The following SNAP91 variants were observed in gnomAD, a reference collection of about 807,000 sequenced individuals.
SNAP91 encodes the protein synaptosome associated protein 91.
Under a neutral mutation model 100.3 loss-of-function variants are expected in SNAP91, and 27 were observed. The ratio of observed to expected loss-of-function variants is 0.27; its 90% CI spans 0.20 to 0.37. SNAP91 has a LOEUF of 0.37. Among genes scored for constraint, SNAP91 ranks in the 10% least tolerant of loss-of-function variants. SNAP91 has a pLI of 1.00. For synonymous variants in SNAP91, 404 were observed against 398.6 expected, an observed-to-expected ratio of 1.01 and a Z score of -0.16; for missense variants, 986 against 1,123.7, an observed-to-expected ratio of 0.88 and a Z score of 1.75.
At chr6:83,702,895 CTGTT>C in intron 2 of SNAP91, among the ~76,000 whole-genome samples, 1 of 152,124 alleles carries the variant, frequency 6.6e-6, no homozygotes, top group Non-Finnish European at 1.5e-5. Context: ...TTACCTAAGA[CTGTT>C]TGTCACTCTG....
rs115742660 is a variant in SNAP91, at chr6:83,684,237, A to G, written c.131-18656T>C. 6.2e-3 allele frequency among the ~76,000 whole-genome samples: 946 copies of G among 152,294 alleles called. 12 individuals are homozygous for G. The highest frequency in any genetic ancestry group is 0.021 in the African/African-American group (872 of 41,556). On this transcript the variant is annotated intron_variant, in intron 2 of 29. Transcript: ENST00000369694. ...ATTAAATACCATCATTGAAAAAATT[A>G]AGAAAATATTCACTCAAATCATGCT...
chr6:83,576,260 A>T (rs1287891876), intron 24 of SNAP91, among the ~76,000 whole-genome samples: 2 of 152,212 alleles, frequency 1.3e-5, no homozygotes, highest in African/African-American at 2.4e-5. Context: ...AGACTTAAGG[A>T]TCCATTTTAA....
At chr6:83,623,379 T>C (rs1430140678) in intron 8 of SNAP91, 37 bp from the exon 9 acceptor site, 2 of 1,482,156 alleles carry the variant, frequency 1.3e-6, no homozygotes, top group East Asian at 4.8e-5. Flanking sequence ...GTAGAACTTT[T>C]AAAATTAATT....
At chr6:83,632,978 AGTTG>A (rs1562435520) in intron 8 of SNAP91, among the ~76,000 whole-genome samples, 1 of 152,112 alleles carries the variant, frequency 6.6e-6, no homozygotes, top group African/African-American at 2.4e-5. Flanking sequence ...ATATTATCAG[AGTTG>A]GTTTTCTGGT....
chr6:83,643,652 T>G (rs1243896106), intron 7 of SNAP91, among the ~76,000 whole-genome samples: 1 of 152,194 alleles, frequency 6.6e-6, no homozygotes, highest in African/African-American at 2.4e-5. Context: ...TTTTACTACC[T>G]CAGAAGTATT....
intron 2 of SNAP91, among the ~76,000 whole-genome samples, chr6:83,704,692 T>TAA (rs3839438): frequency 2.7e-5 from 4 of 150,746 alleles, no homozygotes; most frequent in South Asian, 2.1e-4. Context: ...CCAATACCTT[T>TAA]AAAAAAAAAT....
intron 9 of SNAP91, among the ~76,000 whole-genome samples, chr6:83,620,582 C>T (rs6929621): frequency 0.01 from 1,542 of 152,284 alleles, 20 homozygotes; most frequent in African/African-American, 0.035. Context: ...GGGCTCTACA[C>T]AGGAATGAAG....
chr6:83,663,739 T>C (rs2098610600), intron 3 of SNAP91, among the ~76,000 whole-genome samples: 1 of 152,112 alleles, frequency 6.6e-6, no homozygotes, highest in Non-Finnish European at 1.5e-5. Context: ...ATCCAGAAGA[T>C]CTAGCTGAGA....
intron 2 of SNAP91, among the ~76,000 whole-genome samples, chr6:83,681,512 A>T (rs1388171611): frequency 6.6e-6 from 1 of 152,226 alleles, no homozygotes; most frequent in African/African-American, 2.4e-5. Flanking sequence ...TACATATACA[A>T]AAATCCACAG....
intron 25 of SNAP91, 161 bp from the exon 26 acceptor site, chr6:83,575,282 G>C: frequency 1.6e-6 from 1 of 607,810 alleles, no homozygotes; most frequent in Non-Finnish European, 2.9e-6. Context: ...GAGGAATCTT[G>C]CCATGCTGTA....
At chr6:83,573,471 C>A (rs1468351048) in intron 26 of SNAP91, among the ~76,000 whole-genome samples, 1 of 151,928 alleles carries the variant, frequency 6.6e-6, no homozygotes, top group African/African-American at 2.4e-5. Flanking sequence ...CATATGGAAC[C>A]AAAAAAGAGC....
intron 7 of SNAP91, among the ~76,000 whole-genome samples, chr6:83,642,905 C>CAT (rs1339807772): frequency 6.6e-6 from 1 of 152,184 alleles, no homozygotes; most frequent in Non-Finnish European, 1.5e-5. Flanking sequence ...GATGGTATCT[C>CAT]ATTGTGGTTT....
intron 2 of SNAP91, among the ~76,000 whole-genome samples, chr6:83,667,872 C>T (rs1296638734): frequency 6.6e-6 from 1 of 152,150 alleles, no homozygotes; most frequent in Non-Finnish European, 1.5e-5. Context: ...GCAAAAGAAA[C>T]TACCATCAGA....
At chr6:83,611,790 G>A (rs1453891799) in intron 11 of SNAP91, among the ~76,000 whole-genome samples, 5 of 150,834 alleles carry the variant, frequency 3.3e-5, no homozygotes, top group Non-Finnish European at 7.4e-5. Flanking sequence ...TCCGCCTCCC[G>A]GGTTCACGCC....
chr6:83,626,892 C>A (rs2096954150), intron 8 of SNAP91, among the ~76,000 whole-genome samples: 1 of 151,926 alleles, frequency 6.6e-6, no homozygotes, highest in East Asian at 1.9e-4. Context: ...CAGTATTATG[C>A]TGAATAGTAG....
chr6:83,665,359 C>T (rs2098660732), intron 3 of SNAP91, 80 bp downstream of exon 3: 2 of 1,369,448 alleles, frequency 1.5e-6, no homozygotes, highest in Non-Finnish European at 1.0e-6. Flanking sequence ...AGTGAAAATT[C>T]AAAGAGCCTT....
At chr6:83,699,264 T>G (rs747529409) in intron 2 of SNAP91, among the ~76,000 whole-genome samples, 1 of 152,012 alleles carries the variant, frequency 6.6e-6, no homozygotes, top group African/African-American at 2.4e-5. Context: ...CTATGAAATA[T>G]AGAATATAAA....
chr6:83,608,555 T>C (rs1368879396), intron 12 of SNAP91, among the ~76,000 whole-genome samples: 1 of 152,136 alleles, frequency 6.6e-6, no homozygotes, highest in Admixed American at 6.5e-5. Context: ...GTATTGATAC[T>C]TAGTTCTGTT....
chr6:83,631,698 A>G (rs2097210108), intron 8 of SNAP91, among the ~76,000 whole-genome samples: 1 of 151,618 alleles, frequency 6.6e-6, no homozygotes, highest in Non-Finnish European at 1.5e-5. Context: ...GTCTTTTTCC[A>G]CCCCTTTACC....
Sources: gnomAD v4.1 joint callset for allele counts (sites outside exome capture counted in the v4.1 genomes callset) on GRCh38, gnomAD v4.1.1 for gene constraint, MANE v1.5 for transcripts, NCBI Gene and HGNC (gene_info 2026-07-23, HGNC 2026-07-21) for gene names.